PBRM1: variants seen among roughly 807,000 people sequenced by gnomAD.
PBRM1 encodes polybromo 1.
PBRM1 carries 27 observed loss-of-function variants against 194.5 expected under a neutral mutation model. The ratio of observed to expected loss-of-function variants is 0.14; its 90% CI spans 0.10 to 0.19. The LOEUF is 0.19. Among genes scored for constraint, PBRM1 ranks in the 10% least tolerant of loss-of-function variants. The pLI is 1.00. For missense variants in PBRM1, 1,466 were observed against 2,077.2 expected (o/e 0.71, Z 5.72); for synonymous variants, 655 against 693.2 (o/e 0.94, Z 0.87).
At chr3:52,554,593 A>C (rs1254620662) in intron 27 of PBRM1, 131 bp downstream of exon 29, 2 of 716,232 alleles carry the variant, frequency 2.8e-6, no homozygotes, top group African/African-American at 1.8e-5. Context: ...TGCTGCTGAC[A>C]ACCTTTGGAT....
At chr3:52,649,192 G>A (rs900833874) in intron 6 of PBRM1, among the ~76,000 whole-genome samples, 7 of 152,112 alleles carry the variant, frequency 4.6e-5, no homozygotes, top group Admixed American at 1.3e-4. Flanking sequence ...TATTTGCCTC[G>A]TGGGACTACC....
At chr3:52,659,464 C>T (rs972293378) in intron 4 of PBRM1, among the ~76,000 whole-genome samples, 1 of 152,050 alleles carries the variant, frequency 6.6e-6, no homozygotes, top group Non-Finnish European at 1.5e-5. Flanking sequence ...CTCTGTTGCC[C>T]AGGTTGGAGT....
intron 7 of PBRM1, among the ~76,000 whole-genome samples, chr3:52,645,478 A>T (rs2096264322): frequency 6.6e-6 from 1 of 150,782 alleles, no homozygotes; most frequent in African/African-American, 2.4e-5. Flanking sequence ...ATTTGTTCTT[A>T]CTGTAGATCT....
intron 11 of PBRM1, among the ~76,000 whole-genome samples, chr3:52,631,717 T>A (rs1373880187): frequency 6.6e-6 from 1 of 152,190 alleles, no homozygotes; most frequent in African/African-American, 2.4e-5. Context: ...TTTAAGTTTA[T>A]TTTTAATTTA....
At chr3:52,662,177 C>T (rs2153924469) in exon 4 of PBRM1, 1 of 1,614,110 alleles carries the variant, frequency 6.2e-7, no homozygotes, top group Non-Finnish European at 8.5e-7. Context: ...TCTTCATCAT[C>T]ATCTTCGTCA....
intron 2 of PBRM1, among the ~76,000 whole-genome samples, chr3:52,674,665 T>C (rs9856895): frequency 0.083 from 11,313 of 136,010 alleles, 1,018 homozygotes; most frequent in African/African-American, 0.23. Flanking sequence ...TATATATATA[T>C]ACACACACAC....
chr3:52,616,176 A>T (rs994271128), intron 14 of PBRM1, among the ~76,000 whole-genome samples: 1 of 152,188 alleles, frequency 6.6e-6, no homozygotes, highest in African/African-American at 2.4e-5. Context: ...TTAGCCAATG[A>T]CACTGAGGAC....
At chr3:52,646,498 T>C (rs1037160325) in intron 7 of PBRM1, among the ~76,000 whole-genome samples, 2 of 152,192 alleles carry the variant, frequency 1.3e-5, no homozygotes, top group African/African-American at 4.8e-5. Context: ...TAAGTCAATA[T>C]TTAACTAAAA....
intron 8 of PBRM1, among the ~76,000 whole-genome samples, chr3:52,644,491 TCTC>T (rs1358546520): frequency 1.3e-5 from 2 of 152,094 alleles, no homozygotes; most frequent in South Asian, 2.1e-4. Context: ...TTCAAGCAAT[TCTC>T]CTGCCTCAGC....
exon 17 of PBRM1, chr3:52,603,528 T>C (rs1353999782): frequency 1.3e-6 from 2 of 1,596,164 alleles, no homozygotes; most frequent in Non-Finnish European, 1.7e-6. Context: ...AACCTCTTTT[T>C]TCTTCTTCTC....
At chr3:52,670,580 G>A (rs1394942094) in intron 2 of PBRM1, among the ~76,000 whole-genome samples, 2 of 152,228 alleles carry the variant, frequency 1.3e-5, no homozygotes, top group Non-Finnish European at 2.9e-5. Flanking sequence ...AAAATGCAAA[G>A]TTTTAATCAG....
intron 15 of PBRM1, among the ~76,000 whole-genome samples, chr3:52,611,437 C>T (rs1197534725): frequency 6.6e-6 from 1 of 152,106 alleles, no homozygotes; most frequent in Admixed American, 6.6e-5. Flanking sequence ...GGGATCAGAC[C>T]TCAATCTGAT....
At chr3:52,575,001 A>C (rs1035092328) in intron 22 of PBRM1, among the ~76,000 whole-genome samples, 3 of 151,964 alleles carry the variant, frequency 2.0e-5, no homozygotes, top group Non-Finnish European at 4.4e-5. Context: ...CCCTGGGCTC[A>C]AGTGATCCTA....
At chr3:52,631,473 C>T (rs2095616671) in intron 11 of PBRM1, among the ~76,000 whole-genome samples, 1 of 152,150 alleles carries the variant, frequency 6.6e-6, no homozygotes, top group Non-Finnish European at 1.5e-5. Flanking sequence ...GGTAGTTTTA[C>T]CTGCTTCTTG....
upstream of PBRM1, among the ~76,000 whole-genome samples, chr3:52,679,970 A>G (rs543193918): frequency 5.9e-5 from 9 of 151,990 alleles, no homozygotes; most frequent in South Asian, 2.1e-4. Flanking sequence ...ATTCATTTGT[A>G]TATCAGCAAT....
At chr3:52,670,822 G>C (rs1027905355) in intron 2 of PBRM1, among the ~76,000 whole-genome samples, 1 of 152,202 alleles carries the variant, frequency 6.6e-6, no homozygotes, top group African/African-American at 2.4e-5. Flanking sequence ...GTGCTGGTGA[G>C]TAGCCTGCAT....
intron 2 of PBRM1, among the ~76,000 whole-genome samples, chr3:52,670,823 T>C (rs1245120791): frequency 1.3e-5 from 2 of 152,148 alleles, no homozygotes; most frequent in Non-Finnish European, 1.5e-5. Context: ...TGCTGGTGAG[T>C]AGCCTGCATT....
At chr3:52,564,232 T>C in exon 23 of PBRM1, 2 of 1,608,732 alleles carry the variant, frequency 1.2e-6, no homozygotes, top group Non-Finnish European at 8.5e-7. Flanking sequence ...CAGCACACTT[T>C]CCTGAAAGAG....
At chr3:52,611,389 C>T (rs952691959) in intron 15 of PBRM1, among the ~76,000 whole-genome samples, 6 of 152,152 alleles carry the variant, frequency 3.9e-5, no homozygotes, top group Non-Finnish European at 7.3e-5. Context: ...CCATATATTA[C>T]CTATGAAGTC....
Sources: gnomAD v4.1 joint callset for allele counts (sites outside exome capture counted in the v4.1 genomes callset) on GRCh38, gnomAD v4.1.1 for gene constraint, MANE v1.5 for transcripts, NCBI Gene and HGNC (gene_info 2026-07-23, HGNC 2026-07-21) for gene names.